Variants in NOVA1 observed in about 807,000 individuals in gnomAD.
NOVA1 encodes the protein RNA-binding protein Nova-1.
In NOVA1, 7 loss-of-function variants were observed where a neutral mutation model predicts 38.0. That is an observed-to-expected ratio of 0.18 (90% confidence interval 0.10 to 0.35). The LOEUF is 0.35. Among genes scored for constraint, NOVA1 ranks in the 10% least tolerant of loss-of-function variants. The pLI is 1.00. For missense variants in NOVA1, 460 were observed against 616.0 expected, an observed-to-expected ratio of 0.75 and a Z score of 2.68; for synonymous variants, 270 against 232.5, an observed-to-expected ratio of 1.16 and a Z score of -1.47.
intron 4 of NOVA1, among the ~76,000 whole-genome samples, chr14:26,452,362 C>T (rs952093856): frequency 3.6e-4 from 55 of 152,088 alleles, no homozygotes; most frequent in African/African-American, 1.3e-3. Context: ...TTTTAAGTGT[C>T]GGGCCAGAGT....
intron 2 of NOVA1, among the ~76,000 whole-genome samples, chr14:26,528,262 T>C (rs1219342500): frequency 6.6e-6 from 1 of 152,206 alleles, no homozygotes; most frequent in African/African-American, 2.4e-5. Context: ...CTGTTATGCT[T>C]ACTAGGTTTA....
chr14:26,518,148 T>G (rs560080763), intron 2 of NOVA1, among the ~76,000 whole-genome samples: 1 of 152,198 alleles, frequency 6.6e-6, no homozygotes, highest in Non-Finnish European at 1.5e-5. Context: ...TTAAGGATAT[T>G]ATATTATCCT....
intron 4 of NOVA1, among the ~76,000 whole-genome samples, chr14:26,450,806 A>T (rs914149591): frequency 6.6e-6 from 1 of 152,144 alleles, no homozygotes; most frequent in Non-Finnish European, 1.5e-5. Context: ...GAGAAAATGC[A>T]CTTTTAAGGA....
At chr14:26,478,510 T>A (rs1885175025) in intron 3 of NOVA1, among the ~76,000 whole-genome samples, 1 of 152,016 alleles carries the variant, frequency 6.6e-6, no homozygotes, top group Non-Finnish European at 1.5e-5. Flanking sequence ...CAGTGCTTAT[T>A]CTGTAAACTC....
chr14:26,597,851 G>C lies in NOVA1; in HGVS notation c.-415C>G, dbSNP rs1344880038. ...CGGGGCGCGGGGAGAAGCCGAGGAG[G>C]AGGGGAGAGTGAGGGAAAGAGTGAA... On this transcript the variant is annotated 5_prime_UTR_variant, in exon 1 of 5. Transcript: ENST00000539517. The C allele has an allele frequency of 5.6e-6, 1 of 177,760 alleles. No individual in the cohort carries two copies. Among genetic ancestry groups the C allele is most frequent in the Non-Finnish European group, 1.1e-5 (1 of 90,058 alleles). The allele number at this position is 177,760 out of a possible 1,614,324, so 11.0% of individuals were successfully genotyped here.
At chr14:26,595,351 A>G (rs1285267439) in intron 2 of NOVA1, 59 bp downstream of exon 2, 23 of 1,532,122 alleles carry the variant, frequency 1.5e-5, no homozygotes, top group Non-Finnish European at 1.8e-6. Flanking sequence ...ACACAACACA[A>G]GTAGATCTTT....
intron 2 of NOVA1, among the ~76,000 whole-genome samples, chr14:26,530,963 A>G (rs1445347947): frequency 6.6e-6 from 1 of 152,216 alleles, no homozygotes; most frequent in Non-Finnish European, 1.5e-5. Context: ...TTTGCATGTG[A>G]CAAGTACTGT....
At chr14:26,591,315 GA>G (rs1335936267) in intron 2 of NOVA1, among the ~76,000 whole-genome samples, 1 of 151,454 alleles carries the variant, frequency 6.6e-6, no homozygotes, top group African/African-American at 2.4e-5. Context: ...AAGATTCAAG[GA>G]AAAACACTTT....
Position 26,444,579 on chromosome 14 carries a change from G to A in NOVA1, c.*3380C>T, listed in dbSNP as rs936116094. On this transcript the variant is annotated 3_prime_UTR_variant, in exon 5 of 5. Transcript: ENST00000539517. The stretch of plus-strand genomic sequence containing the variant: ...TCTATTGTAAGCAATGAGTCGAAAT[G>A]AGCCGTTACAGGTTAGAATTTATCT... 1.3e-5 allele frequency: 2 copies of A among 152,122 alleles called. No individual in the cohort carries two copies. The highest frequency in any genetic ancestry group is 2.1e-4 in the South Asian group (1 of 4,832). 9.4% of individuals were successfully genotyped at this position (152,122 alleles called of 1,614,324 possible). A position where few individuals can be genotyped will look rare whatever the true frequency, so the allele number is the denominator to read the frequency against.
intron 4 of NOVA1, among the ~76,000 whole-genome samples, chr14:26,449,997 T>G (rs1712184971): frequency 6.6e-6 from 1 of 152,142 alleles, no homozygotes; most frequent in African/African-American, 2.4e-5. Flanking sequence ...TAGTAACATT[T>G]AAAATTATAT....
At chr14:26,582,317 C>T (rs900445568) in intron 2 of NOVA1, among the ~76,000 whole-genome samples, 2 of 151,712 alleles carry the variant, frequency 1.3e-5, no homozygotes, top group African/African-American at 4.8e-5. Context: ...ACGCAATCTC[C>T]TGACTGATTT....
chr14:26,560,454 T>C (rs188290496), intron 2 of NOVA1, among the ~76,000 whole-genome samples: 37 of 152,268 alleles, frequency 2.4e-4, no homozygotes, highest in Non-Finnish European at 4.9e-4. Context: ...CCTCAATTAA[T>C]AGAAGAATTA....
rs1436421691 is a variant in NOVA1 at position 26,448,474 on chromosome 14, T to A, written c.1009A>T (p.Ser337Cys). Residue 337 changes from serine to cysteine, a missense_variant, in exon 5 of 5, where the codon AGT (serine) becomes TGT (cysteine). Physicochemically the swap from Ser to Cys is moderately radical, Grantham distance 112 (BLOSUM62 -1). Coordinates refer to ENST00000539517, the MANE Select transcript of NOVA1 (RefSeq NM_002515.3). The surrounding 1 kb of genome is among the most constrained non-coding windows in gnomAD (Gnocchi z 5.3). ...AAAGCCCCTGTTGCTGCTGCTTGAC[T>A]GAGACCTAAACCTAAAGTGTTGAGA... ...YNLNTLGLGL[S>C]QAAATGALAA... 1 of 1,613,626 alleles carries A rather than the reference T, an allele frequency of 6.2e-7. No individual in the cohort carries two copies. The highest frequency in any genetic ancestry group is 1.3e-5 in the African/African-American group (1 of 74,942).
rs189510978 is a variant in NOVA1, at chr14:26,592,895, A to T, written c.280+2515T>A. 20 of 151,826 alleles carry T rather than the reference A, an allele frequency of 1.3e-4. No individual in the cohort carries two copies. The East Asian group carries it at 3.7e-3, about 28-fold the overall frequency. The allele number at this position is 151,826 out of a possible 1,614,324, so 9.4% of individuals were successfully genotyped here. A position where few individuals can be genotyped will look rare whatever the true frequency, so the allele number is the denominator to read the frequency against. On this transcript the variant is annotated intron_variant, in intron 2 of 4. Coordinates refer to ENST00000539517, the MANE Select transcript of NOVA1 (RefSeq NM_002515.3). The stretch of plus-strand genomic sequence containing the variant: ...GAAAACACACTAGTATTTTAACTAA[A>T]CCTTACAAACACAATTACATTCTGC...
intron 2 of NOVA1, among the ~76,000 whole-genome samples, chr14:26,541,414 C>T (rs1890459292): frequency 6.6e-6 from 1 of 151,130 alleles, no homozygotes; most frequent in African/African-American, 2.4e-5. Context: ...TTCTAAAGTC[C>T]TATACAATCT....
intron 2 of NOVA1, among the ~76,000 whole-genome samples, chr14:26,545,047 G>T (rs1890706487): frequency 6.6e-6 from 1 of 152,016 alleles, no homozygotes; most frequent in Admixed American, 6.6e-5. Context: ...TATATATGTT[G>T]TGAATTTGTT....
At chr14:26,594,540 A>G (rs1894057696) in intron 2 of NOVA1, 2 of 152,108 alleles carry the variant, frequency 1.3e-5, no homozygotes, top group Non-Finnish European at 2.9e-5. Context: ...ACAGAAAGCT[A>G]GATTTAAATA....
intron 2 of NOVA1, among the ~76,000 whole-genome samples, chr14:26,586,058 C>T (rs749374227): frequency 1.6e-4 from 24 of 151,260 alleles, no homozygotes; most frequent in African/African-American, 2.7e-4. Flanking sequence ...TAAACAATTG[C>T]GCTGTATGTT....
At chr14:26,453,925 T>C (rs28651829) in intron 4 of NOVA1, among the ~76,000 whole-genome samples, 38,164 of 152,048 alleles carry the variant, frequency 0.25, 5,623 homozygotes, top group African/African-American at 0.4. Flanking sequence ...TACCTGTTAT[T>C]TTACTCAGTC....
Sources: allele counts gnomAD v4.1 joint callset (sites outside exome capture counted in the v4.1 genomes callset), GRCh38; gene constraint gnomAD v4.1.1; non-coding constraint Gnocchi (gnomAD v3.1); transcripts MANE v1.5; gene names NCBI Gene and HGNC (gene_info 2026-07-23, HGNC 2026-07-21).